DNAAF1: variants seen among roughly 807,000 people sequenced by gnomAD.
DNAAF1 encodes the protein dynein axonemal assembly factor 1, also known as dynein assembly factor 1, axonemal.
In DNAAF1, 65 loss-of-function variants were observed where a neutral mutation model predicts 71.1. The observed-to-expected ratio is 0.91, with a 90% CI of 0.75 to 1.12. The LOEUF (loss-of-function observed/expected upper bound fraction) is 1.12, where lower values mean the gene tolerates loss of function less well. Ranked by LOEUF, DNAAF1 falls within the 50% of genes most tolerant of loss-of-function variation. The pLI is 0.00. For missense variants in DNAAF1, 1,178 were observed against 899.8 expected (o/e 1.31, Z -3.96); for synonymous variants, 414 against 354.6 (o/e 1.17, Z -1.88).
chr16:84,175,668 G>A (rs530667172), intron 10 of DNAAF1: 21 of 501,324 alleles, frequency 4.2e-5, no homozygotes, highest in Non-Finnish European at 6.9e-5. Context: ...TCAGGGGTGC[G>A]CCCTCTCAGG....
At chr16:84,171,347 T>C (rs1221792146) in intron 8 of DNAAF1, among the ~76,000 whole-genome samples, 4 of 151,974 alleles carry the variant, frequency 2.6e-5, no homozygotes, top group African/African-American at 7.3e-5. Flanking sequence ...CCCAGCTACT[T>C]GGGAGGCTGA....
intron 6 of DNAAF1, among the ~76,000 whole-genome samples, chr16:84,165,135 G>C (rs11865142): frequency 6.6e-6 from 1 of 152,092 alleles, no homozygotes; most frequent in Non-Finnish European, 1.5e-5. Flanking sequence ...AAAGTTCTTT[G>C]TATGTTTTGG....
intron 7 of DNAAF1, among the ~76,000 whole-genome samples, chr16:84,167,965 C>T (rs7195350): frequency 0.03 from 4,612 of 151,556 alleles, 107 homozygotes; most frequent in African/African-American, 0.047. Flanking sequence ...TGCAGCGAGC[C>T]GAGATCGCAC....
intron 3 of DNAAF1, among the ~76,000 whole-genome samples, chr16:84,152,277 C>T (rs538458921): frequency 9.9e-5 from 15 of 152,184 alleles, no homozygotes; most frequent in African/African-American, 3.1e-4. Flanking sequence ...GTCAGAAACC[C>T]AAGGGGACAA....
chr16:84,152,054 C>T (rs939106100), intron 3 of DNAAF1, among the ~76,000 whole-genome samples: 1 of 152,190 alleles, frequency 6.6e-6, no homozygotes, highest in African/African-American at 2.4e-5. Context: ...GGGAAAGGGG[C>T]GCAGGGCCTG....
chr16:84,164,891 T>G (rs1282573152), intron 6 of DNAAF1, among the ~76,000 whole-genome samples: 3 of 152,176 alleles, frequency 2.0e-5, no homozygotes, highest in Non-Finnish European at 4.4e-5. Context: ...CTAGAACAAG[T>G]GAGCGTTGCC....
At position 84,159,249 on chromosome 16, in the gene DNAAF1, C is replaced by A; in HGVS notation, c.742-426C>A. ...TCCCCATCCTTTCCCTTAGTCACTG[C>A]TGCTTCTCTGTCTAGCGGCTGTGTG... is the stretch of plus-strand genomic sequence containing the variant. On this transcript the variant is annotated intron_variant, in intron 5 of 11. Coordinates refer to ENST00000378553, the MANE Select transcript of DNAAF1 (RefSeq NM_178452.6). The A allele has an allele frequency of 2.8e-6, 3 of 1,080,132 alleles. No individual in the cohort carries two copies. In the South Asian group the frequency reaches 8.0e-5, roughly 29 times the overall value. 66.9% of individuals were successfully genotyped at this position (1,080,132 alleles called of 1,614,324 possible). A position where few individuals can be genotyped will look rare whatever the true frequency, so the allele number is the denominator to read the frequency against.
intron 1 of DNAAF1, 56 bp from the exon 2 acceptor site, chr16:84,148,951 G>A (rs1384960249): frequency 7.5e-6 from 12 of 1,598,348 alleles, no homozygotes; most frequent in Middle Eastern, 1.7e-4. Flanking sequence ...TGAAGTTGGG[G>A]GTATTTTTTG....
intron 7 of DNAAF1, 99 bp downstream of exon 7, chr16:84,166,048 T>C (rs1184545287): frequency 1.6e-6 from 1 of 612,158 alleles, no homozygotes; most frequent in Non-Finnish European, 2.4e-6. Flanking sequence ...TTTTTTTTTT[T>C]TTTTTTTTTT....
In DNAAF1 at chr16:84,154,745, A is replaced by C. The variant is rs200194000; in HGVS notation, c.521A>C (p.Lys174Thr). Reference sequence around the variant, plus strand: ...ATTGAGAACCTGGAACCTCTGCAGAAACTGGATGCTCTTAACCTCAGCAAC... The same window carrying C: ...ATTGAGAACCTGGAACCTCTGCAGACACTGGATGCTCTTAACCTCAGCAAC... Reference protein sequence around the residue: ...RKIENLEPLQKLDALNLSNNY... With the variant: ...RKIENLEPLQTLDALNLSNNY... Residue 174 changes from lysine (K) to threonine (T), a missense_variant, in exon 4 of 12, where the codon AAA becomes ACA. Lys to Thr is a moderately conservative substitution (Grantham distance 78, BLOSUM62 -1). Coordinates refer to ENST00000378553, the MANE Select transcript of DNAAF1 (RefSeq NM_178452.6). 6.8e-5 allele frequency: 109 copies of C among 1,614,002 alleles called. No individual in the cohort carries two copies. Among genetic ancestry groups the C allele is most frequent in the Non-Finnish European group, 1.7e-6 (2 of 1,180,018 alleles).
intron 7 of DNAAF1, among the ~76,000 whole-genome samples, chr16:84,168,827 TACACACACACACAC>T (rs55903132): frequency 2.1e-5 from 3 of 145,888 alleles, no homozygotes; most frequent in Admixed American, 6.9e-5. Context: ...ATTTGCCACA[TACACACACACACAC>T]ACACACACAC....
At chr16:84,164,924 G>A (rs886785337) in intron 6 of DNAAF1, among the ~76,000 whole-genome samples, 6 of 152,014 alleles carry the variant, frequency 3.9e-5, no homozygotes, top group East Asian at 1.9e-4. Flanking sequence ...CCTCATTAGC[G>A]CAGCGTTGCC....
chr16:84,148,439 A>T (rs1003980689), intron 1 of DNAAF1, among the ~76,000 whole-genome samples: 16 of 148,558 alleles, frequency 1.1e-4, no homozygotes, highest in Middle Eastern at 3.4e-3. Context: ...TGGCTTTTAT[A>T]AAAAAAAACG....
intron 6 of DNAAF1, among the ~76,000 whole-genome samples, chr16:84,160,082 G>A (rs2151235684): frequency 6.6e-6 from 1 of 152,174 alleles, no homozygotes; most frequent in East Asian, 1.9e-4. Flanking sequence ...TGAAGAAAGT[G>A]GTTTCAGACT....
chr16:84,156,491 A>G (rs1317138677), intron 5 of DNAAF1, among the ~76,000 whole-genome samples: 4 of 152,150 alleles, frequency 2.6e-5, no homozygotes, highest in African/African-American at 9.7e-5. Flanking sequence ...GGAGCGTGTG[A>G]TGCCTGCTTG....
chr16:84,154,727 A>G lies in DNAAF1; in HGVS notation c.503A>G (p.Asn168Ser). The change falls in exon 4 of 12, where the codon AAC becomes AGC. Residue 168 changes from asparagine to serine, a missense_variant. Physicochemically the swap from Asn to Ser is conservative, Grantham distance 46. Transcript: ENST00000378553. ...ATGAACTTGCTCCGTAAAATTGAGA[A>G]CCTGGAACCTCTGCAGAAACTGGAT... ...LQMNLLRKIENLEPLQKLDAL... is the reference protein window; with the variant it reads ...LQMNLLRKIESLEPLQKLDAL... 6.2e-7 allele frequency: 1 copy of G among 1,614,110 alleles called. No homozygotes were observed. Among genetic ancestry groups the G allele is most frequent in the Non-Finnish European group, 8.5e-7 (1 of 1,180,008 alleles).
Position 84,176,036 on chromosome 16 carries a change from A to T in DNAAF1, c.1802A>T (p.Asp601Val). The change falls in exon 11 of 12, where the codon GAC becomes GTC. Residue 601 changes from aspartate (D) to valine (V), a missense_variant. Coordinates refer to ENST00000378553, the MANE Select transcript of DNAAF1 (RefSeq NM_178452.6). Reference sequence around the variant, plus strand: ...CCTGTGCTGGAAAACCTCCCCACAGACACTCTGTCAAATATATTTGCAGTC... The same window carrying T: ...CCTGTGCTGGAAAACCTCCCCACAGTCACTCTGTCAAATATATTTGCAGTC... ...SLPVLENLPT[D>V]TLSNIFAVSK... 1 of 1,614,144 alleles carries T rather than the reference A, an allele frequency of 6.2e-7. No individual in the cohort carries two copies.
chr16:84,160,353 C>T (rs1020328867), intron 6 of DNAAF1, among the ~76,000 whole-genome samples: 1 of 152,142 alleles, frequency 6.6e-6, no homozygotes, highest in Non-Finnish European at 1.5e-5. Context: ...AAGTGCTTCT[C>T]TTACCGATTT....
At chr16:84,154,885 C>T (rs2087338320) in intron 4 of DNAAF1, 87 bp downstream of exon 4, 3 of 1,122,348 alleles carry the variant, frequency 2.7e-6, no homozygotes, top group East Asian at 2.4e-5. Context: ...ATATTATGGG[C>T]AAGAAGTGGT....
Sources: allele counts gnomAD v4.1 joint callset (sites outside exome capture counted in the v4.1 genomes callset), GRCh38; gene constraint gnomAD v4.1.1; transcripts MANE v1.5; gene names NCBI Gene and HGNC (gene_info 2026-07-23, HGNC 2026-07-21).